Variants in AKAP6 observed in about 807,000 individuals in gnomAD.
AKAP6 encodes the protein A-kinase anchoring protein 6.
A neutral mutation model predicts 188.5 loss-of-function variants in AKAP6; 58 were observed. The observed-to-expected ratio is 0.31, with a 90% CI of 0.25 to 0.38. The LOEUF is 0.38. Ranked by LOEUF, AKAP6 falls within the 10% of genes least tolerant of loss-of-function variation. The pLI, the probability that AKAP6 is intolerant of heterozygous loss-of-function variation, is 1.00. For missense variants in AKAP6, 2,710 were observed against 2,740.0 expected, an observed-to-expected ratio of 0.99 and a Z score of 0.24; for synonymous variants, 989 against 998.6, an observed-to-expected ratio of 0.99 and a Z score of 0.18.
chr14:32,352,103 T>TTGTG (rs398024717), intron 1 of AKAP6, among the ~76,000 whole-genome samples: 127 of 120,400 alleles, frequency 1.1e-3, no homozygotes, highest in Middle Eastern at 8.4e-3. Context: ...GTGTGTGTGT[T>TTGTG]TGTGTGTGTG....
At chr14:32,678,112 G>C (rs1245997591) in intron 7 of AKAP6, among the ~76,000 whole-genome samples, 199 bp from the exon 8 acceptor site, 1 of 152,070 alleles carries the variant, frequency 6.6e-6, no homozygotes, top group Non-Finnish European at 1.5e-5. Flanking sequence ...ATTTATTCAG[G>C]TCATATTTTA....
intron 2 of AKAP6, chr14:32,439,004 G>A (rs546518969): frequency 2.0e-5 from 3 of 152,302 alleles, no homozygotes; most frequent in Non-Finnish European, 2.9e-5. Flanking sequence ...GCCTTGAAGT[G>A]GCTTTCTGGA....
rs560773204 is a variant in AKAP6, at chr14:32,834,904, C to T, written c.*5099C>T. On this transcript the variant is annotated 3_prime_UTR_variant, in exon 14 of 14. Transcript: ENST00000280979. ...CAGCTCGTTGCCTGTTCTGGTTTGA[C>T]CCATTTGAACAATTGACGAGCTTCA... 2.6e-5 allele frequency: 4 copies of T among 152,258 alleles called. No individual in the cohort carries two copies. Among genetic ancestry groups the T allele is most frequent in the African/African-American group, 7.2e-5 (3 of 41,556 alleles). 9.4% of individuals were successfully genotyped at this position (152,258 alleles called of 1,614,324 possible).
In AKAP6 at chr14:32,632,158, A is replaced by G. The variant is rs147954290; in HGVS notation, c.2730+31366A>G. 4.3e-3 allele frequency among the ~76,000 whole-genome samples: 647 copies of G among 152,122 alleles called. 3 individuals carry two copies. The highest frequency in any genetic ancestry group is 7.1e-3 in the Non-Finnish European group (485 of 67,942). On this transcript the variant is annotated intron_variant, in intron 7 of 13. Transcript: ENST00000280979. ...TCTGTTTTGCTATGAACCATTTACT[A>G]TACTTTTCCTTTCTTGTCCAGGTAA... is the stretch of plus-strand genomic sequence containing the variant.
intron 1 of AKAP6, among the ~76,000 whole-genome samples, chr14:32,341,320 A>G (rs1886881916): frequency 6.6e-6 from 1 of 152,228 alleles, no homozygotes; most frequent in South Asian, 2.1e-4. Context: ...AGACATTCAC[A>G]TAAAATATAA....
At chr14:32,767,020 A>G (rs1566696991) in intron 11 of AKAP6, among the ~76,000 whole-genome samples, 1 of 152,144 alleles carries the variant, frequency 6.6e-6, no homozygotes, top group African/African-American at 2.4e-5. Flanking sequence ...ATTCTTTTGC[A>G]TGTGGATATC....
intron 1 of AKAP6, among the ~76,000 whole-genome samples, chr14:32,387,957 G>GC (rs1888588222): frequency 6.6e-6 from 1 of 151,994 alleles, no homozygotes; most frequent in African/African-American, 2.4e-5. Flanking sequence ...GTAGAATTCT[G>GC]CTGTGAATCC....
chr14:32,591,269 C>A (rs1003614673), intron 5 of AKAP6, among the ~76,000 whole-genome samples: 2 of 152,036 alleles, frequency 1.3e-5, no homozygotes, highest in East Asian at 3.9e-4. Flanking sequence ...ATCCATTTGG[C>A]CTAATGTGGC....
At chr14:32,538,027 G>T (rs370276103) in intron 3 of AKAP6, among the ~76,000 whole-genome samples, 1 of 152,090 alleles carries the variant, frequency 6.6e-6, no homozygotes, top group African/African-American at 2.4e-5. Flanking sequence ...AGAGATTGCA[G>T]AAAATTTTTG....
chr14:32,746,800 C>T (rs1307187592), intron 11 of AKAP6, among the ~76,000 whole-genome samples: 1 of 152,136 alleles, frequency 6.6e-6, no homozygotes, highest in Non-Finnish European at 1.5e-5. Flanking sequence ...GGTCAAAGAT[C>T]TGTTACTTGA....
intron 9 of AKAP6, among the ~76,000 whole-genome samples, chr14:32,700,883 G>A (rs991131024): frequency 2.6e-5 from 4 of 152,112 alleles, no homozygotes; most frequent in East Asian, 1.9e-4. Flanking sequence ...AACATACCCC[G>A]TTGTTAAGCA....
Position 32,815,885 on chromosome 14 carries a change from T to G in AKAP6, c.3589-5517T>G, listed in dbSNP as rs1206649742. 2.0e-5 allele frequency among the ~76,000 whole-genome samples: 3 copies of G among 152,092 alleles called. No individual in the cohort carries two copies. In the East Asian group the frequency reaches 5.8e-4, roughly 29 times the overall value. On this transcript the variant is annotated intron_variant, in intron 12 of 13. Transcript: ENST00000280979. ...CTGTAATTGTCCCAAGATAAACAAATGATGGAACTGAGGCATATAGAAGTT... is the reference window on the plus strand; with the variant it reads ...CTGTAATTGTCCCAAGATAAACAAAGGATGGAACTGAGGCATATAGAAGTT...
At chr14:32,345,459 G>A (rs1594522911) in intron 1 of AKAP6, among the ~76,000 whole-genome samples, 2 of 152,330 alleles carry the variant, frequency 1.3e-5, no homozygotes, top group African/African-American at 4.8e-5. Flanking sequence ...GTAGCCAGTA[G>A]CATCTGAGCT....
chr14:32,333,977 C>T (rs1321212379), intron 1 of AKAP6, among the ~76,000 whole-genome samples: 3 of 152,144 alleles, frequency 2.0e-5, no homozygotes, highest in Non-Finnish European at 4.4e-5. Context: ...TGTACAAGGA[C>T]AGGTATACCA....
At chr14:32,699,643 T>G (rs1890546897) in intron 9 of AKAP6, among the ~76,000 whole-genome samples, 4 of 152,202 alleles carry the variant, frequency 2.6e-5, no homozygotes, top group Admixed American at 2.6e-4. Flanking sequence ...TTCCCCCTTA[T>G]CTGTCTTGCT....
At chr14:32,585,484 C>CTA (rs1251731467) in intron 5 of AKAP6, among the ~76,000 whole-genome samples, 1 of 121,612 alleles carries the variant, frequency 8.2e-6, no homozygotes, top group East Asian at 3.3e-4. Flanking sequence ...TGACTATGAA[C>CTA]TATATATATG....
chr14:32,590,462 A>T (rs141734759), intron 5 of AKAP6, among the ~76,000 whole-genome samples: 39 of 152,288 alleles, frequency 2.6e-4, no homozygotes, highest in East Asian at 1.4e-3. Context: ...AAAACAAAAC[A>T]AAACTAAACA....
chr14:32,602,724 A>G (rs1885978279), intron 7 of AKAP6, among the ~76,000 whole-genome samples: 1 of 152,208 alleles, frequency 6.6e-6, no homozygotes, highest in Admixed American at 6.5e-5. Flanking sequence ...TCATTTAATT[A>G]TCATGACAAA....
intron 7 of AKAP6, among the ~76,000 whole-genome samples, chr14:32,673,518 T>A (rs1379353636): frequency 2.0e-5 from 3 of 152,184 alleles, no homozygotes; most frequent in Non-Finnish European, 4.4e-5. Context: ...GTGGATCATC[T>A]GAGCCCAGGA....
Sources: gnomAD v4.1 joint callset for allele counts (sites outside exome capture counted in the v4.1 genomes callset) on GRCh38, gnomAD v4.1.1 for gene constraint, MANE v1.5 for transcripts, NCBI Gene and HGNC (gene_info 2026-07-23, HGNC 2026-07-21) for gene names.